The following WDR27 variants were observed in gnomAD, a reference collection of about 807,000 sequenced individuals.
The protein encoded by WDR27 is WD repeat-containing protein 27.
In WDR27, 100 loss-of-function variants were observed where a neutral mutation model predicts 114.4. That is an observed-to-expected ratio of 0.87 (90% CI 0.74 to 1.03). The LOEUF (loss-of-function observed/expected upper bound fraction) is 1.03. Ranked by LOEUF, WDR27 falls within the 50% of genes least tolerant of loss-of-function variation. The pLI is 0.00. For missense variants in WDR27, 1,129 were observed against 1,092.9 expected (o/e 1.03, Z -0.47); for synonymous variants, 449 against 423.1 (o/e 1.06, Z -0.75).
chr6:169,637,265 C>A (rs1354717676), intron 18 of WDR27, among the ~76,000 whole-genome samples: 2 of 152,202 alleles, frequency 1.3e-5, no homozygotes, highest in Non-Finnish European at 2.9e-5. Flanking sequence ...ATACTTCCCC[C>A]ACGTAATAGC....
rs1380763681 is a variant in WDR27, at chr6:169,494,061, T to C, written c.2646-36427A>G. ...TTTATTTAATTGTTGTGTTTGTATATATGGCACAATGAGTAGTGGCATTAT... is the reference window on the plus strand; with the variant it reads ...TTTATTTAATTGTTGTGTTTGTATACATGGCACAATGAGTAGTGGCATTAT... On this transcript the variant is annotated intron_variant, in intron 25 of 25. Coordinates refer to ENST00000448612, the MANE Select transcript of WDR27 (RefSeq NM_182552.5). Among the ~76,000 whole-genome samples the C allele has an allele frequency of 4.6e-5, 7 of 152,358 alleles. No homozygotes were observed. The East Asian group carries it at 1.2e-3, about 25-fold the overall frequency.
rs1357016152 is a variant in WDR27 at position 169,684,099 on chromosome 6, G to A, written c.189+4718C>T. On this transcript the variant is annotated intron_variant, in intron 2 of 25. Coordinates refer to ENST00000448612, the MANE Select transcript of WDR27 (RefSeq NM_182552.5). The surrounding 1 kb of genome is among the most constrained non-coding windows in gnomAD (Gnocchi z 4.3). Reference sequence around the variant, plus strand: ...ACAACCCCAGTTGCATGGAGCCTGGGACCAGGATCGGCTGTTGAGACTGGC... The same window carrying A: ...ACAACCCCAGTTGCATGGAGCCTGGAACCAGGATCGGCTGTTGAGACTGGC... Among the ~76,000 whole-genome samples the A allele has an allele frequency of 6.6e-6, 1 of 152,106 alleles. No homozygotes were observed. Among genetic ancestry groups the A allele is most frequent in the African/African-American group, 2.4e-5 (1 of 41,416 alleles).
chr6:169,583,662 A>G (rs1322980036), intron 23 of WDR27, among the ~76,000 whole-genome samples: 1 of 151,942 alleles, frequency 6.6e-6, no homozygotes, highest in Non-Finnish European at 1.5e-5. Flanking sequence ...AACAAAGTGT[A>G]TCAACAAATA....
the WDR27 span, among the ~76,000 whole-genome samples, chr6:169,444,717 C>A: frequency 6.6e-6 from 1 of 150,496 alleles, no homozygotes; most frequent in Non-Finnish European, 1.5e-5. Context: ...TTAGATTTTG[C>A]AGCTTCAGAA....
chr6:169,556,059 G>A (rs1798839037), intron 25 of WDR27, among the ~76,000 whole-genome samples: 1 of 152,284 alleles, frequency 6.6e-6, no homozygotes, highest in Non-Finnish European at 1.5e-5. Context: ...AACACAGCAT[G>A]TGTGATGAAC....
At chr6:169,448,297 T>C in the WDR27 span, among the ~76,000 whole-genome samples, 125 of 152,156 alleles carry the variant, frequency 8.2e-4, 1 homozygote, top group Non-Finnish European at 1.5e-3. Context: ...TTTTTTCTTA[T>C]CACCACCATT....
chr6:169,649,324 G>T, intron 14 of WDR27, 49 bp from the exon 15 acceptor site: 1 of 1,450,708 alleles, frequency 6.9e-7, no homozygotes, highest in Non-Finnish European at 9.5e-7. Context: ...AGAGGTCTAA[G>T]TTTCTTAAGA....
At chr6:169,696,217 G>A (rs962239844) in intron 1 of WDR27, among the ~76,000 whole-genome samples, 2 of 152,164 alleles carry the variant, frequency 1.3e-5, no homozygotes, top group African/African-American at 4.8e-5. Flanking sequence ...GTGTCCTATC[G>A]GGACTGAACC....
chr6:169,443,827 T>G, the WDR27 span, among the ~76,000 whole-genome samples: 1 of 152,204 alleles, frequency 6.6e-6, no homozygotes, highest in African/African-American at 2.4e-5. Context: ...AAGAACCTTG[T>G]CCTTCTTTGA....
In WDR27 at chr6:169,659,435, G is replaced by C. The variant is rs756518347; in HGVS notation, c.1197+16C>G. 13 of 1,604,194 alleles carry C rather than the reference G, an allele frequency of 8.1e-6. No homozygotes were observed. Among genetic ancestry groups the C allele is most frequent in the Non-Finnish European group, 3.4e-6 (4 of 1,175,368 alleles). On this transcript the variant is annotated intron_variant, in intron 11 of 25. Coordinates refer to ENST00000448612, the MANE Select transcript of WDR27 (RefSeq NM_182552.5). This position sits in a 1 kb window ranked among gnomAD's most constrained non-coding sequence, Gnocchi z 4.3. The stretch of plus-strand genomic sequence containing the variant: ...GCACGTCTCATAGACAGGGAGGGCC[G>C]CGTCTCAGGACTGACCTTTTGATCC...
chr6:169,502,241 C>T (rs1042566040), intron 25 of WDR27, among the ~76,000 whole-genome samples: 9 of 152,182 alleles, frequency 5.9e-5, no homozygotes, highest in African/African-American at 1.4e-4. Context: ...CTGAAGAGCG[C>T]GGCCGCGGGA....
At chr6:169,551,877 G>T (rs556914958) in intron 25 of WDR27, among the ~76,000 whole-genome samples, 1 of 152,092 alleles carries the variant, frequency 6.6e-6, no homozygotes, top group Non-Finnish European at 1.5e-5. Flanking sequence ...TATTCTGAAC[G>T]CAGTCACAGT....
chr6:169,431,723 T>A, the WDR27 span, among the ~76,000 whole-genome samples: 1 of 152,246 alleles, frequency 6.6e-6, no homozygotes, highest in African/African-American at 2.4e-5. Context: ...CAATATGGAC[T>A]GTCAAAGTTT....
At chr6:169,648,869 CACT>C (rs1821492000) in intron 15 of WDR27, among the ~76,000 whole-genome samples, 1 of 152,246 alleles carries the variant, frequency 6.6e-6, no homozygotes, top group Admixed American at 6.5e-5. Flanking sequence ...GAGCACCTGG[CACT>C]ACAACGGCCC....
chr6:169,492,565 C>T (rs1047823995), intron 25 of WDR27, among the ~76,000 whole-genome samples: 4 of 151,712 alleles, frequency 2.6e-5, no homozygotes, highest in Non-Finnish European at 4.4e-5. Flanking sequence ...AAGTTTATAC[C>T]AAGCTAAATT....
intron 17 of WDR27, among the ~76,000 whole-genome samples, chr6:169,640,972 CTTAG>C (rs1451129915): frequency 2.6e-5 from 4 of 151,870 alleles, no homozygotes; most frequent in Non-Finnish European, 5.9e-5. Context: ...GCCCTTCCTT[CTTAG>C]TGAGACTGAG....
Position 169,602,267 on chromosome 6 carries a change from A to G in WDR27, c.2376T>C (p.Ala792=), listed in dbSNP as rs1477124560. The G allele has an allele frequency of 1.4e-5, 22 of 1,566,992 alleles. No homozygotes were observed. Among genetic ancestry groups the G allele is most frequent in the Non-Finnish European group, 1.7e-5 (20 of 1,154,688 alleles). Residue 792 remains alanine (A), a synonymous_variant, in exon 23 of 26, where the codon GCT becomes GCC. Transcript: ENST00000448612. The stretch of plus-strand genomic sequence containing the variant: ...CCGCGAATCGTCCACAAGGACTGAA[A>G]GCGATTCCACATGGATAGCCGCGGG... ...HPTRGYPCGI[A]FSPCGRFAAC...
At chr6:169,619,880 C>A (rs898258830) in intron 21 of WDR27, among the ~76,000 whole-genome samples, 3 of 152,170 alleles carry the variant, frequency 2.0e-5, no homozygotes, top group African/African-American at 7.2e-5. Flanking sequence ...AGATTCTTCA[C>A]AGATGCATGA....
chr6:169,621,731 CAT>C (rs1339479267), intron 21 of WDR27, among the ~76,000 whole-genome samples: 2 of 151,730 alleles, frequency 1.3e-5, no homozygotes, highest in Admixed American at 6.6e-5. Flanking sequence ...CACATTCACA[CAT>C]ATACATACAC....
Sources: gnomAD v4.1 joint callset for allele counts (sites outside exome capture counted in the v4.1 genomes callset) on GRCh38, gnomAD v4.1.1 for gene constraint, Gnocchi (gnomAD v3.1) non-coding constraint, MANE v1.5 for transcripts, NCBI Gene and HGNC (gene_info 2026-07-23, HGNC 2026-07-21) for gene names.